The following OGA variants were observed in gnomAD, a reference collection of about 807,000 sequenced individuals.
The protein encoded by OGA is O-GlcNAcase.
In OGA, 21 loss-of-function variants were observed where a neutral mutation model predicts 102.0. The observed-to-expected ratio is 0.21, with a 90% confidence interval of 0.15 to 0.30. The LOEUF is 0.30. OGA is among the 10% of genes least tolerant of loss of function. The pLI, the probability that OGA is intolerant of heterozygous loss-of-function variation, is 1.00. For synonymous variants in OGA, 408 were observed against 378.2 expected (o/e 1.08, Z -0.91); for missense variants, 765 against 1,107.8 (o/e 0.69, Z 4.39).
intron 6 of OGA, among the ~76,000 whole-genome samples, chr10:101,804,367 G>A (rs1420662101): frequency 6.6e-6 from 1 of 150,802 alleles, no homozygotes; most frequent in African/African-American, 2.4e-5. Context: ...CCGCCTCCTG[G>A]ATTCACACCA....
rs556592273 is a variant in OGA at position 101,799,907 on chromosome 10, C to G, written c.1195+335G>C. On this transcript the variant is annotated intron_variant, in intron 8 of 15. Transcript: ENST00000361464. ...CTTTTTTTTGAGACAGAGTCTCGCT[C>G]TGTCACCCAGGCTGGAGTACAGTGG... Among the ~76,000 whole-genome samples the G allele has an allele frequency of 2.7e-4, 41 of 152,142 alleles. 1 individual carries two copies. The highest frequency in any genetic ancestry group is 1.6e-4 in the Non-Finnish European group (11 of 68,026).
chr10:101,789,109 T>C (rs1008013), intron 14 of OGA, among the ~76,000 whole-genome samples: 1 of 152,106 alleles, frequency 6.6e-6, no homozygotes, highest in Non-Finnish European at 1.5e-5. Context: ...CAGCATAGTG[T>C]CAGTGTAATC....
chr10:101,787,757 GCGCT>G, intron 14 of OGA: 2 of 460,664 alleles, frequency 4.3e-6, no homozygotes, highest in East Asian at 3.5e-5. Context: ...TCGCGTGCAC[GCGCT>G]CTCTCTCTCT....
Position 101,792,885 on chromosome 10 carries a change from G to A in OGA, c.2129C>T (p.Pro710Leu), listed in dbSNP as rs2065275247. ...TCTGATAGTATAAACTTTGGAGGTA[G>A]GAGTCAGTGGAGGTGGCTGAAAAAA... is the stretch of plus-strand genomic sequence containing the variant. ...DLFFQPPPLT[P>L]TSKVYTIRPY... is the part of the protein sequence containing the mutation. Residue 710 changes from proline to leucine, a missense_variant, in exon 12 of 16, where the codon CCT becomes CTT. Pro to Leu is a moderately conservative substitution (Grantham distance 98, BLOSUM62 -3). Around this residue, in one of 7 missense-constraint regions of OGA, gnomAD observed 146 missense variants for 269.7 expected, o/e 0.54. Coordinates refer to ENST00000361464, the MANE Select transcript of OGA (RefSeq NM_012215.5). 6 of 1,613,616 alleles carry A rather than the reference G, an allele frequency of 3.7e-6. No homozygotes were observed. The highest frequency in any genetic ancestry group is 5.1e-6 in the Non-Finnish European group (6 of 1,179,538).
chr10:101,803,721 T>A lies in OGA; in HGVS notation c.1036+14A>T. 1 of 1,608,522 alleles carries A rather than the reference T, an allele frequency of 6.2e-7. No individual in the cohort carries two copies. Among genetic ancestry groups the A allele is most frequent in the Non-Finnish European group, 8.5e-7 (1 of 1,175,478 alleles). On this transcript the variant is annotated intron_variant, in intron 7 of 15. Transcript: ENST00000361464. ...TCTCCTCCCAAGGTGAAAGATCAAG[T>A]ACAGGCTACTTACTCATCACTACAT...
Position 101,796,568 on chromosome 10 carries a change from C to CTTTA in OGA, c.1984+1408_1984+1411dup, listed in dbSNP as rs1047353188. Among the ~76,000 whole-genome samples the CTTTA allele has an allele frequency of 3.0e-4, 46 of 151,342 alleles. 1 individual carries two copies. Among genetic ancestry groups the CTTTA allele is most frequent in the Admixed American group, 2.7e-3 (41 of 15,104 alleles). Reference sequence around the variant, plus strand: ...AGCCGCTGCGCACGGTCAGTATTTCCTTTATTTATTTATTTATTTTGAGAT... The same window carrying CTTTA: ...AGCCGCTGCGCACGGTCAGTATTTCCTTTATTTATTTATTTATTTATTTTGAGAT... On this transcript the variant is annotated intron_variant, in intron 10 of 15. Coordinates refer to ENST00000361464, the MANE Select transcript of OGA (RefSeq NM_012215.5).
At chr10:101,817,717 C>T in intron 1 of OGA, 107 bp downstream of exon 1, 1 of 1,297,870 alleles carries the variant, frequency 7.7e-7, no homozygotes. Flanking sequence ...ACATTTCAGA[C>T]CCAGAGGCTT....
rs747940393 is a variant in OGA, at chr10:101,813,619, T to A, written c.200-13A>T. Reference sequence around the variant, plus strand: ...CTTCCATAAAATCCTAGATTCAAAGTAAGAATGAAATTATATTCAGTTTTA... The same window carrying A: ...CTTCCATAAAATCCTAGATTCAAAGAAAGAATGAAATTATATTCAGTTTTA... On this transcript the variant is annotated splice_polypyrimidine_tract_variant and intron_variant, in intron 1 of 15. Coordinates refer to ENST00000361464, the MANE Select transcript of OGA (RefSeq NM_012215.5). 6.6e-6 allele frequency: 10 copies of A among 1,507,456 alleles called. No individual in the cohort carries two copies. Among genetic ancestry groups the A allele is most frequent in the Admixed American group, 3.6e-5 (2 of 55,004 alleles). The allele number at this position is 1,507,456 out of a possible 1,614,324, so 93.4% of individuals were successfully genotyped here. A position where few individuals can be genotyped will look rare whatever the true frequency, so the allele number is the denominator to read the frequency against.
intron 14 of OGA, chr10:101,787,759 G>T (rs185279769): frequency 2.5e-4 from 92 of 373,530 alleles, no homozygotes; most frequent in Middle Eastern, 7.8e-4. Flanking sequence ...GCGTGCACGC[G>T]CTCTCTCTCT....
chr10:101,793,793 A>C lies in OGA; in HGVS notation c.2070+120T>G, dbSNP rs563313124. On this transcript the variant is annotated intron_variant, in intron 11 of 15. Coordinates refer to ENST00000361464, the MANE Select transcript of OGA (RefSeq NM_012215.5). ...ATTTAAAAATCCAGCTATGTAACTAAATTGAATTTGGGACTAGAAAGCCTT... is the reference window on the plus strand; with the variant it reads ...ATTTAAAAATCCAGCTATGTAACTACATTGAATTTGGGACTAGAAAGCCTT... 60 of 703,972 alleles carry C rather than the reference A, an allele frequency of 8.5e-5. No homozygotes were observed. In the East Asian group the frequency reaches 1.6e-3, roughly 18 times the overall value. 43.6% of individuals were successfully genotyped at this position (703,972 alleles called of 1,614,324 possible).
At chr10:101,815,541 C>T (rs1462377413) in intron 1 of OGA, among the ~76,000 whole-genome samples, 1 of 152,150 alleles carries the variant, frequency 6.6e-6, no homozygotes, top group Non-Finnish European at 1.5e-5. Context: ...GCCTCGGCCT[C>T]CCAAAGTGCT....
chr10:101,793,736 C>G, intron 11 of OGA, 177 bp downstream of exon 11: 1 of 535,998 alleles, frequency 1.9e-6, no homozygotes, highest in Middle Eastern at 5.3e-4. Flanking sequence ...GCATCTCCTT[C>G]AGAAATTACT....
At chr10:101,793,249 T>A (rs918544401) in intron 11 of OGA, among the ~76,000 whole-genome samples, 14 of 152,280 alleles carry the variant, frequency 9.2e-5, no homozygotes, top group South Asian at 4.1e-4. Context: ...TATTTTTTTT[T>A]AAAACCTATC....
intron 1 of OGA, among the ~76,000 whole-genome samples, chr10:101,815,185 A>T (rs756955824): frequency 1.3e-5 from 2 of 152,222 alleles, no homozygotes; most frequent in Non-Finnish European, 1.5e-5. Flanking sequence ...AAGGACAATG[A>T]CAGACCAAAT....
chr10:101,810,128 A>T lies in OGA; in HGVS notation c.480+56T>A, dbSNP rs2065533553. The T allele has an allele frequency of 2.1e-6, 3 of 1,462,560 alleles. No individual in the cohort carries two copies. The Admixed American group carries it at 6.4e-5, about 31-fold the overall frequency. 90.6% of individuals were successfully genotyped at this position (1,462,560 alleles called of 1,614,324 possible). On this transcript the variant is annotated intron_variant, in intron 4 of 15. Transcript: ENST00000361464. ...TTTAACATCGTAAAAGCAACTGAGT[A>T]AACTTCTAGTTTCAAGTACATAGTC...
intron 7 of OGA, among the ~76,000 whole-genome samples, chr10:101,802,737 T>C (rs1021311457): frequency 2.3e-4 from 35 of 152,032 alleles, no homozygotes; most frequent in Admixed American, 7.2e-4. Flanking sequence ...ATCTGCCCCA[T>C]GACAGATTAT....
Position 101,813,124 on chromosome 10 carries a change from G to A in OGA, c.255C>T (p.Leu85=), listed in dbSNP as rs745326133. Residue 85 remains leucine, a synonymous_variant, in exon 3 of 16, where the codon CTC becomes CTT. Transcript: ENST00000361464. The part of the protein sequence containing the change: ...MEQRKELFRR[L]QKWELNTYLY... ...AGTATGTATTTAATTCCCATTTCTG[G>A]AGCCTTAAGGAGAAAGAAAATTACA... The A allele has an allele frequency of 6.3e-7, 1 of 1,591,744 alleles. No individual in the cohort carries two copies. Among genetic ancestry groups the A allele is most frequent in the Non-Finnish European group, 8.6e-7 (1 of 1,167,952 alleles).
chr10:101,813,790 G>C (rs2065587416), intron 1 of OGA, among the ~76,000 whole-genome samples, 184 bp from the exon 2 acceptor site: 1 of 152,170 alleles, frequency 6.6e-6, no homozygotes, highest in Admixed American at 6.5e-5. Context: ...ACGTTACAAG[G>C]TGACTTTTAT....
At chr10:101,791,109 C>T in intron 13 of OGA, 21 bp from the exon 14 acceptor site, 1 of 1,574,640 alleles carries the variant, frequency 6.4e-7, no homozygotes. Flanking sequence ...GGAAAGAGGC[C>T]ACAGTAAACT....
Sources: gnomAD v4.1 joint callset for allele counts (sites outside exome capture counted in the v4.1 genomes callset) on GRCh38, gnomAD v4.1.1 for gene constraint, gnomAD v4.1.1 regional missense constraint, MANE v1.5 for transcripts, NCBI Gene and HGNC (gene_info 2026-07-23, HGNC 2026-07-21) for gene names.